Variants in RELB observed in about 807,000 individuals in gnomAD.
RELB encodes RELB proto-oncogene, NF-kB subunit.
Under a neutral mutation model 55.4 loss-of-function variants are expected in RELB, and 14 were observed. The ratio of observed to expected loss-of-function variants is 0.25; its 90% CI spans 0.17 to 0.40. The LOEUF (loss-of-function observed/expected upper bound fraction) is 0.40, where lower values mean the gene tolerates loss of function less well. Among genes scored for constraint, RELB ranks in the 10% least tolerant of loss-of-function variants. RELB has a pLI of 1.00. For synonymous variants in RELB, 409 were observed against 371.3 expected, an observed-to-expected ratio of 1.10 and a Z score of -1.17; for missense variants, 669 against 830.7, an observed-to-expected ratio of 0.81 and a Z score of 2.39.
chr19:45,028,201 TGA>T (rs1174292303), intron 7 of RELB, among the ~76,000 whole-genome samples: 1 of 151,844 alleles, frequency 6.6e-6, no homozygotes, highest in East Asian at 1.9e-4. Context: ...TTTTCTTTTT[TGA>T]GAGAGATGGG....
Position 45,037,406 on chromosome 19 carries a change from C to A in RELB, c.1356C>A (p.Gly452=). 1 of 1,566,138 alleles carries A rather than the reference C, an allele frequency of 6.4e-7. No homozygotes were observed. The highest frequency in any genetic ancestry group is 1.2e-5 in the South Asian group (1 of 84,398). The change falls in exon 12 of 12, where the codon GGC becomes GGA. Residue 452 remains glycine (G), a splice_region_variant and synonymous_variant. Transcript: ENST00000221452. ...LDHFLPNHGS[G]PFLPPSALLP... is the part of the protein sequence containing the mutation. ...CTTCTCTTGTCTTCATCCCCGTAGG[C>A]CCGTTCCTCCCGCCGTCAGCCCTGC...
At chr19:45,026,328 A>G (rs1239040039) in intron 7 of RELB, among the ~76,000 whole-genome samples, 1 of 152,070 alleles carries the variant, frequency 6.6e-6, no homozygotes, top group Non-Finnish European at 1.5e-5. Flanking sequence ...GCTTGAGCCC[A>G]GGAGGTTGAG....
At position 45,037,401 on chromosome 19, in the gene RELB, G is replaced by C; in HGVS notation, c.1355-4G>C. On this transcript the variant is annotated splice_region_variant and splice_polypyrimidine_tract_variant and intron_variant, in intron 11 of 11. Coordinates refer to ENST00000221452, the MANE Select transcript of RELB (RefSeq NM_006509.4). Reference sequence around the variant, plus strand: ...CTACACTTCTCTTGTCTTCATCCCCGTAGGCCCGTTCCTCCCGCCGTCAGC... The same window carrying C: ...CTACACTTCTCTTGTCTTCATCCCCCTAGGCCCGTTCCTCCCGCCGTCAGC... 1 of 1,558,876 alleles carries C rather than the reference G, an allele frequency of 6.4e-7. No individual in the cohort carries two copies. The highest frequency in any genetic ancestry group is 8.6e-7 in the Non-Finnish European group (1 of 1,160,380).
intron 2 of RELB, among the ~76,000 whole-genome samples, chr19:45,007,793 G>A (rs1453330917): frequency 6.7e-6 from 1 of 148,584 alleles, no homozygotes; most frequent in Non-Finnish European, 1.5e-5. Context: ...GGGAGGCAGA[G>A]GTTGCAGTGA....
At chr19:45,005,326 C>T (rs1041758225) in intron 2 of RELB, among the ~76,000 whole-genome samples, 2 of 152,118 alleles carry the variant, frequency 1.3e-5, no homozygotes, top group African/African-American at 4.8e-5. Flanking sequence ...TCAGTGCTGC[C>T]CAAGGAAATG....
At chr19:45,030,759 C>T (rs184774392) in intron 8 of RELB, among the ~76,000 whole-genome samples, 16 of 152,094 alleles carry the variant, frequency 1.1e-4, no homozygotes, top group African/African-American at 3.4e-4. Context: ...ATGGTGCCAC[C>T]GCACTGCAGC....
rs751802704 is a variant in RELB, at chr19:45,022,093, C to T, written c.545C>T (p.Ala182Val). The T allele has an allele frequency of 6.2e-7, 1 of 1,613,424 alleles. No individual in the cohort carries two copies. The highest frequency in any genetic ancestry group is 8.5e-7 in the Non-Finnish European group (1 of 1,179,696). ...GGGCTGCGGGAGGTGGAGGTGACTG[C>T]CTGCCTGGTGTGGAAGGACTGGCCT... The part of the protein sequence containing the change: ...CGGLREVEVT[A>V]CLVWKDWPHR... The change falls in exon 5 of 12, where the codon GCC (alanine) becomes GTC (valine). Residue 182 changes from alanine to valine, a missense_variant. Around this residue, in one of 3 missense-constraint regions of RELB, gnomAD observed 323 missense variants for 368.5 expected, o/e 0.88. Coordinates refer to ENST00000221452, the MANE Select transcript of RELB (RefSeq NM_006509.4).
At chr19:45,035,674 A>C (rs1243607019) in intron 11 of RELB, among the ~76,000 whole-genome samples, 3 of 151,694 alleles carry the variant, frequency 2.0e-5, no homozygotes, top group Admixed American at 6.6e-5. Flanking sequence ...AAAAACACAA[A>C]AATTAGCTGG....
chr19:45,003,780 C>T (rs1971244644), intron 2 of RELB, among the ~76,000 whole-genome samples: 1 of 151,670 alleles, frequency 6.6e-6, no homozygotes, highest in Admixed American at 6.6e-5. Context: ...CAGTATCTGG[C>T]ACACAGTAAG....
rs763399382 is a variant in RELB at position 45,022,075 on chromosome 19, G to A, written c.527G>A (p.Arg176Gln). The A allele has an allele frequency of 1.7e-5, 28 of 1,612,142 alleles. No individual in the cohort carries two copies. The highest frequency in any genetic ancestry group is 2.7e-5 in the African/African-American group (2 of 74,874). ...AIELRDCGGL[R>Q]EVEVTACLVW... ...CAGCTCCGGGATTGTGGAGGGCTGC[G>A]GGAGGTGGAGGTGACTGCCTGCCTG... Residue 176 changes from arginine to glutamine, a missense_variant, in exon 5 of 12, where the codon CGG becomes CAG. Arg to Gln is a conservative substitution (Grantham distance 43). Transcript: ENST00000221452.
At chr19:45,024,794 C>A (rs963866329) in intron 5 of RELB, among the ~76,000 whole-genome samples, 16 of 151,960 alleles carry the variant, frequency 1.1e-4, no homozygotes, top group Non-Finnish European at 1.3e-4. Context: ...GTGATCTGCC[C>A]ACCTTGGCCT....
Position 45,017,105 on chromosome 19 carries a change from G to C in RELB, c.504+4829G>C, listed in dbSNP as rs1395082578. 2.6e-5 allele frequency among the ~76,000 whole-genome samples: 4 copies of C among 152,034 alleles called. No individual in the cohort carries two copies. In the East Asian group the frequency reaches 5.8e-4, roughly 22 times the overall value. On this transcript the variant is annotated intron_variant, in intron 4 of 11. Transcript: ENST00000221452. ...CCCCCAAATCCCATTTTTCCCCTAG[G>C]GGGCAGCACTCCCCCACTGAGACCA...
intron 2 of RELB, among the ~76,000 whole-genome samples, chr19:45,006,039 G>A (rs1256563074): frequency 6.6e-6 from 1 of 152,240 alleles, no homozygotes; most frequent in Non-Finnish European, 1.5e-5. Context: ...GCTGAGGACA[G>A]GCCTGGCCCT....
At chr19:45,025,796 C>T (rs1971551908) in intron 7 of RELB, 59 bp downstream of exon 7, 2 of 1,606,470 alleles carry the variant, frequency 1.2e-6, no homozygotes, top group African/African-American at 1.3e-5. Flanking sequence ...TCAGAATGTC[C>T]CGCTTACAGA....
Position 45,029,188 on chromosome 19 carries a change from G to A in RELB, c.991+196G>A, listed in dbSNP as rs190507898. Among the ~76,000 whole-genome samples the A allele has an allele frequency of 2.6e-5, 4 of 152,288 alleles. No homozygotes were observed. In the East Asian group the frequency reaches 5.8e-4, roughly 22 times the overall value. ...CACTCCCTGAGTCGCCTTCTCACCC[G>A]TCTGCGTAGGACGACAGAGACTCGT... On this transcript the variant is annotated intron_variant, in intron 8 of 11. Transcript: ENST00000221452.
chr19:45,022,547 CTTTT>C (rs35661437), intron 5 of RELB, among the ~76,000 whole-genome samples: 5 of 125,796 alleles, frequency 4.0e-5, no homozygotes, highest in African/African-American at 2.8e-5. Context: ...TACAATTCAT[CTTTT>C]TTTTTTTTTT....
At chr19:45,033,743 G>A (rs910441947) in intron 9 of RELB, among the ~76,000 whole-genome samples, 10 of 150,502 alleles carry the variant, frequency 6.6e-5, no homozygotes, top group South Asian at 2.1e-4. Context: ...GGGTTTCGCC[G>A]TGTTGGTCAG....
At chr19:45,003,057 C>A in intron 2 of RELB, 61 bp downstream of exon 2, 1 of 1,499,060 alleles carries the variant, frequency 6.7e-7, no homozygotes, top group Non-Finnish European at 9.1e-7. Flanking sequence ...GGGAGGACTC[C>A]ACAGAGATGT....
chr19:45,006,469 G>T (rs1159038203), intron 2 of RELB, among the ~76,000 whole-genome samples: 21 of 151,980 alleles, frequency 1.4e-4, no homozygotes, highest in Admixed American at 1.4e-3. Flanking sequence ...CTCTCAAAGT[G>T]CTGGGATTAC....
Sources: allele counts gnomAD v4.1 joint callset (sites outside exome capture counted in the v4.1 genomes callset), GRCh38; gene constraint gnomAD v4.1.1; regional missense constraint gnomAD v4.1.1; transcripts MANE v1.5; gene names NCBI Gene and HGNC (gene_info 2026-07-23, HGNC 2026-07-21).